COPS8: variants seen among roughly 807,000 people sequenced by gnomAD.
The protein encoded by COPS8 is COP9 signalosome subunit 8.
Under a neutral mutation model 31.5 loss-of-function variants are expected in COPS8, and 11 were observed. That is an observed-to-expected ratio of 0.35 (90% CI 0.22 to 0.58). The LOEUF (loss-of-function observed/expected upper bound fraction) is 0.58, where lower values mean the gene tolerates loss of function less well. Ranked by LOEUF, COPS8 falls within the 20% of genes least tolerant of loss-of-function variation. The pLI is 0.83. For missense variants in COPS8, 215 were observed against 255.1 expected, an observed-to-expected ratio of 0.84 and a Z score of 1.07; for synonymous variants, 81 against 89.3, an observed-to-expected ratio of 0.91 and a Z score of 0.52.
Position 237,097,998 on chromosome 2 carries a change from T to G in COPS8, c.*256T>G. Reference sequence around the variant, plus strand: ...GAGCCTGTCAGTATTACAGTTAGTTTTCTAGTGACTCATAAAATAAGATTT... The same window carrying G: ...GAGCCTGTCAGTATTACAGTTAGTTGTCTAGTGACTCATAAAATAAGATTT... On this transcript the variant is annotated 3_prime_UTR_variant, in exon 8 of 8. Transcript: ENST00000354371. 2 of 318,784 alleles carry G rather than the reference T, an allele frequency of 6.3e-6. No homozygotes were observed. The highest frequency in any genetic ancestry group is 1.2e-5 in the Non-Finnish European group (2 of 171,654). The allele number at this position is 318,784 out of a possible 1,614,324, so 19.7% of individuals were successfully genotyped here. A position where few individuals can be genotyped will look rare whatever the true frequency, so the allele number is the denominator to read the frequency against.
chr2:237,100,192 A>G lies in COPS8; in HGVS notation c.*2450A>G, dbSNP rs1696870465. The G allele has an allele frequency of 6.6e-6, 1 of 152,182 alleles. No homozygotes were observed. Among genetic ancestry groups the G allele is most frequent in the African/African-American group, 2.4e-5 (1 of 41,442 alleles). The allele number at this position is 152,182 out of a possible 1,614,324, so 9.4% of individuals were successfully genotyped here. A position where few individuals can be genotyped will look rare whatever the true frequency, so the allele number is the denominator to read the frequency against. On this transcript the variant is annotated 3_prime_UTR_variant, in exon 8 of 8. Transcript: ENST00000354371. ...AGAAGGGATCATGGAAATATATATC[A>G]ATGCTGTTGAGACCACAGGGTAAGA...
rs2106348902 is a variant in COPS8 at position 237,100,164 on chromosome 2, C to T, written c.*2422C>T. On this transcript the variant is annotated 3_prime_UTR_variant, in exon 8 of 8. Transcript: ENST00000354371. The stretch of plus-strand genomic sequence containing the variant: ...ACGGTACTTGCAGCCCTTAATGAAA[C>T]AAAGAAGGGATCATGGAAATATATA... 1 of 152,150 alleles carries T rather than the reference C, an allele frequency of 6.6e-6. No homozygotes were observed. Among genetic ancestry groups the T allele is most frequent in the Middle Eastern group, 3.4e-3 (1 of 294 alleles). 9.4% of individuals were successfully genotyped at this position (152,150 alleles called of 1,614,324 possible). A position where few individuals can be genotyped will look rare whatever the true frequency, so the allele number is the denominator to read the frequency against.
chr2:237,088,372 T>C (rs182024381), intron 2 of COPS8, among the ~76,000 whole-genome samples: 1 of 152,224 alleles, frequency 6.6e-6, no homozygotes. Flanking sequence ...TTATTATTTT[T>C]AAAAAATTCA....
intron 2 of COPS8, 97 bp downstream of exon 2, chr2:237,087,294 CG>C: frequency 1.3e-6 from 1 of 758,344 alleles, no homozygotes; most frequent in Non-Finnish European, 2.2e-6. Flanking sequence ...ATAGGCACAA[CG>C]AGCTACCTTT....
intron 1 of COPS8, 140 bp downstream of exon 1, chr2:237,086,182 C>G: frequency 1.5e-5 from 12 of 801,206 alleles, no homozygotes; most frequent in Non-Finnish European, 2.5e-5. Flanking sequence ...ACGTGTGGAT[C>G]CCTGACCGCC....
intron 1 of COPS8, chr2:237,086,787 T>C: frequency 1.1e-6 from 1 of 950,066 alleles, no homozygotes; most frequent in Non-Finnish European, 1.3e-6. Flanking sequence ...CGAATTTGTT[T>C]CTTATAATAG....
chr2:237,091,652 A>G (rs13411898), intron 4 of COPS8, among the ~76,000 whole-genome samples: 8,673 of 152,324 alleles, frequency 0.057, 834 homozygotes, highest in African/African-American at 0.2. Context: ...AATTAGGCAC[A>G]GTCCTATTAG....
intron 7 of COPS8, 100 bp from the exon 8 acceptor site, chr2:237,097,563 A>T: frequency 1.4e-6 from 1 of 731,036 alleles, no homozygotes; most frequent in Non-Finnish European, 2.3e-6. Context: ...AAGTTAACTT[A>T]CTGTTAAAAA....
chr2:237,099,305 G>A lies in COPS8; in HGVS notation c.*1563G>A, dbSNP rs1475792518. The A allele has an allele frequency of 6.6e-6, 1 of 152,014 alleles. No homozygotes were observed. Among genetic ancestry groups the A allele is most frequent in the Non-Finnish European group, 1.5e-5 (1 of 67,980 alleles). The allele number at this position is 152,014 out of a possible 1,614,324, so 9.4% of individuals were successfully genotyped here. ...ATATTTCCTTATATTTCAAAACTAA[G>A]CAATTGGGGGATATATACAAAATGA... On this transcript the variant is annotated 3_prime_UTR_variant, in exon 8 of 8. Transcript: ENST00000354371.
At position 237,098,602 on chromosome 2, in the gene COPS8, A is replaced by G. The variant is rs753355361; in HGVS notation, c.*860A>G. On this transcript the variant is annotated 3_prime_UTR_variant, in exon 8 of 8. Coordinates refer to ENST00000354371, the MANE Select transcript of COPS8 (RefSeq NM_006710.5). ...TTCTCTGTGTGACAGCCCTCTGAATATTTGAAGTTGTTTGTTGTAACTTAA... is the reference window on the plus strand; with the variant it reads ...TTCTCTGTGTGACAGCCCTCTGAATGTTTGAAGTTGTTTGTTGTAACTTAA... 6 of 152,218 alleles carry G rather than the reference A, an allele frequency of 3.9e-5. No homozygotes were observed. The highest frequency in any genetic ancestry group is 7.3e-5 in the Non-Finnish European group (5 of 68,036). The allele number at this position is 152,218 out of a possible 1,614,324, so 9.4% of individuals were successfully genotyped here.
chr2:237,093,009 C>T (rs1696733876), intron 4 of COPS8, among the ~76,000 whole-genome samples: 1 of 152,042 alleles, frequency 6.6e-6, no homozygotes, highest in South Asian at 2.1e-4. Context: ...CAGTGTCTGC[C>T]GTAGTGGAAA....
Position 237,085,940 on chromosome 2 carries a change from T to C in COPS8, c.-25T>C. ...GTCTGGGGTTTGGCTGTCCGGACGG[T>C]GCAGCGGCGAGGCCGGCCGCGAAGA... is the stretch of plus-strand genomic sequence containing the variant. On this transcript the variant is annotated 5_prime_UTR_variant, in exon 1 of 8. Coordinates refer to ENST00000354371, the MANE Select transcript of COPS8 (RefSeq NM_006710.5). 1 of 1,608,256 alleles carries C rather than the reference T, an allele frequency of 6.2e-7. No individual in the cohort carries two copies. The highest frequency in any genetic ancestry group is 8.5e-7 in the Non-Finnish European group (1 of 1,176,978).
chr2:237,088,759 A>G, intron 3 of COPS8, 106 bp downstream of exon 3: 1 of 671,586 alleles, frequency 1.5e-6, no homozygotes, highest in Non-Finnish European at 2.5e-6. Context: ...AGTAATAGTC[A>G]TCAGATTGGT....
intron 4 of COPS8, 133 bp downstream of exon 4, chr2:237,090,127 T>A: frequency 1.2e-6 from 1 of 804,380 alleles, no homozygotes. Context: ...GTTTTCAGAA[T>A]TTTTTAGATT....
intron 1 of COPS8, 190 bp from the exon 2 acceptor site, chr2:237,086,937 G>T: frequency 4.3e-6 from 2 of 467,790 alleles, no homozygotes; most frequent in African/African-American, 2.0e-5. Context: ...GAATTTTCGT[G>T]TTTGATACTT....
In COPS8 at chr2:237,094,113, G is replaced by A; in HGVS notation, c.355G>A (p.Ala119Thr). 5.6e-6 allele frequency: 9 copies of A among 1,613,752 alleles called. No individual in the cohort carries two copies. The highest frequency in any genetic ancestry group is 3.3e-4 in the Middle Eastern group (2 of 6,056). ...AGATGCAACAAGGAGACGCGCCTTT[G>A]CCCTGGTCTCTCAAGCGTATACTTC... Reference protein sequence around the residue: ...LRDATRRRAFALVSQAYTSII... With the variant: ...LRDATRRRAFTLVSQAYTSII... The change falls in exon 5 of 8, where the codon GCC (alanine) becomes ACC (threonine). Residue 119 changes from alanine (A) to threonine (T), a missense_variant. Transcript: ENST00000354371.
At chr2:237,087,049 A>T (rs1459323178) in intron 1 of COPS8, 78 bp from the exon 2 acceptor site, 2 of 893,068 alleles carry the variant, frequency 2.2e-6, no homozygotes, top group African/African-American at 3.4e-5. Flanking sequence ...ATATTATTTT[A>T]AAAATGAAAG....
chr2:237,090,080 GTGTT>G (rs1185886271), intron 4 of COPS8, 86 bp downstream of exon 4: 53 of 1,311,464 alleles, frequency 4.0e-5, no homozygotes, highest in Non-Finnish European at 5.2e-5. Context: ...TCAGTGGTGT[GTGTT>G]TAAGTAGATA....
rs999788674 is a variant in COPS8, at chr2:237,100,460, C to G, written c.*2718C>G. Reference sequence around the variant, plus strand: ...TGACATGGTGAATAAACACTCTCTTCCTTGTCTCAGGGCAGACTATTTCCA... The same window carrying G: ...TGACATGGTGAATAAACACTCTCTTGCTTGTCTCAGGGCAGACTATTTCCA... On this transcript the variant is annotated 3_prime_UTR_variant, in exon 8 of 8. Coordinates refer to ENST00000354371, the MANE Select transcript of COPS8 (RefSeq NM_006710.5). The G allele has an allele frequency of 6.6e-6, 1 of 152,202 alleles. No homozygotes were observed. The highest frequency in any genetic ancestry group is 1.5e-5 in the Non-Finnish European group (1 of 68,046). The allele number at this position is 152,202 out of a possible 1,614,324, so 9.4% of individuals were successfully genotyped here.
Sources: allele counts gnomAD v4.1 joint callset (sites outside exome capture counted in the v4.1 genomes callset), GRCh38; gene constraint gnomAD v4.1.1; transcripts MANE v1.5; gene names NCBI Gene and HGNC (gene_info 2026-07-23, HGNC 2026-07-21).